The following PARD3B variants were observed in gnomAD, a reference collection of about 807,000 sequenced individuals.
The protein encoded by PARD3B is par-3 family cell polarity regulator beta.
In PARD3B, 103 loss-of-function variants were observed where a neutral mutation model predicts 130.2. The ratio of observed to expected loss-of-function variants is 0.79; its 90% confidence interval spans 0.67 to 0.93. PARD3B has a LOEUF of 0.93. Among genes scored for constraint, PARD3B ranks in the 40% least tolerant of loss-of-function variants. The pLI is 0.00. For missense variants in PARD3B, 1,609 were observed against 1,499.2 expected (o/e 1.07, Z -1.21); for synonymous variants, 583 against 553.2 (o/e 1.05, Z -0.76).
intron 2 of PARD3B, among the ~76,000 whole-genome samples, chr2:204,686,901 A>C (rs933024667): frequency 6.6e-6 from 1 of 152,108 alleles, no homozygotes; most frequent in Non-Finnish European, 1.5e-5. Flanking sequence ...AAAGTATACT[A>C]TTTCATTGCA....
chr2:204,951,184 T>A (rs947687263), intron 2 of PARD3B, among the ~76,000 whole-genome samples: 9 of 152,206 alleles, frequency 5.9e-5, no homozygotes, highest in African/African-American at 1.9e-4. Flanking sequence ...TCCTCTACTG[T>A]CATCATCTTG....
intron 2 of PARD3B, among the ~76,000 whole-genome samples, chr2:204,930,411 T>C (rs1687946931): frequency 1.3e-5 from 2 of 152,096 alleles, no homozygotes; most frequent in African/African-American, 2.4e-5. Flanking sequence ...AAATACTATG[T>C]GAAGAGTTGT....
intron 22 of PARD3B, among the ~76,000 whole-genome samples, chr2:205,573,525 A>T (rs951812123): frequency 1.7e-4 from 26 of 152,194 alleles, no homozygotes; most frequent in South Asian, 4.1e-4. Flanking sequence ...TTTGAAAAGT[A>T]TGTATGAAAA....
chr2:205,589,231 T>C lies in PARD3B; in HGVS notation c.3261-26225T>C, dbSNP rs557583705. Among the ~76,000 whole-genome samples, 3 of 152,304 alleles carry C rather than the reference T, an allele frequency of 2.0e-5. No individual in the cohort carries two copies. The highest frequency in any genetic ancestry group is 1.5e-5 in the Non-Finnish European group (1 of 68,018). ...TGAGCCCGGGAGGTCGAGGCAGCTG[T>C]AGTAAGCTGTGATCGCACCACTGCC... On this transcript the variant is annotated intron_variant, in intron 22 of 22. Transcript: ENST00000406610. This position sits in a 1 kb window ranked among gnomAD's most constrained non-coding sequence, Gnocchi z 4.1.
At chr2:204,801,281 T>C (rs970611917) in intron 2 of PARD3B, among the ~76,000 whole-genome samples, 5 of 152,238 alleles carry the variant, frequency 3.3e-5, no homozygotes, top group African/African-American at 7.2e-5. Context: ...GGGGACAGCA[T>C]TGAATCTATA....
chr2:205,112,192 A>G (rs1703693441), intron 5 of PARD3B, among the ~76,000 whole-genome samples: 1 of 152,060 alleles, frequency 6.6e-6, no homozygotes, highest in South Asian at 2.1e-4. Flanking sequence ...ATCTGGGCAA[A>G]ACTCACTTGA....
chr2:204,628,361 C>G (rs377517521), intron 1 of PARD3B, among the ~76,000 whole-genome samples: 11 of 151,798 alleles, frequency 7.2e-5, no homozygotes, highest in African/African-American at 2.4e-4. Context: ...TGATAATATG[C>G]ATGGGCAAGT....
intron 1 of PARD3B, among the ~76,000 whole-genome samples, chr2:204,561,703 C>T (rs912261131): frequency 2.0e-5 from 3 of 150,780 alleles, no homozygotes; most frequent in Admixed American, 6.7e-5. Flanking sequence ...TCAAGTGATT[C>T]TCCTGCCTCA....
At chr2:204,782,623 T>C (rs1259078311) in intron 2 of PARD3B, among the ~76,000 whole-genome samples, 1 of 151,710 alleles carries the variant, frequency 6.6e-6, no homozygotes, top group East Asian at 1.9e-4. Context: ...GTTTATCTGC[T>C]TGAGTAGAGT....
rs771369966 is a variant in PARD3B, at chr2:205,401,116, C to T, written c.2734C>T (p.Arg912Cys). ...EEELEKMKEE[R>C]ERIGAKHQEL... ...AGAGCTGGAGAAAATGAAAGAAGAG[C>T]GTGAAAGGTGAGCAGAAGTGCCGAG... is the stretch of plus-strand genomic sequence containing the variant. The change falls in exon 19 of 23, where the codon CGT becomes TGT. Residue 912 changes from arginine (R) to cysteine (C), a missense_variant. Transcript: ENST00000406610. 3.2e-5 allele frequency: 51 copies of T among 1,590,618 alleles called. No individual in the cohort carries two copies. The highest frequency in any genetic ancestry group is 3.9e-5 in the Non-Finnish European group (46 of 1,167,646).
intron 1 of PARD3B, among the ~76,000 whole-genome samples, chr2:204,627,678 C>G (rs899094147): frequency 6.6e-6 from 1 of 151,658 alleles, no homozygotes; most frequent in Non-Finnish European, 1.5e-5. Context: ...AGTTTTTTTC[C>G]CTTTTTGTTC....
chr2:204,861,733 G>A (rs2045211438), intron 2 of PARD3B, among the ~76,000 whole-genome samples: 1 of 151,900 alleles, frequency 6.6e-6, no homozygotes, highest in Non-Finnish European at 1.5e-5. Flanking sequence ...TAGAAGACTA[G>A]TAGCATCTGA....
chr2:205,506,955 CTT>C (rs1422189744), intron 21 of PARD3B, among the ~76,000 whole-genome samples: 4 of 152,292 alleles, frequency 2.6e-5, no homozygotes, highest in Admixed American at 2.6e-4. Context: ...TTAGGAGTCT[CTT>C]TTTTCATCTG....
At chr2:204,841,730 A>C (rs755241739) in intron 2 of PARD3B, among the ~76,000 whole-genome samples, 18 of 152,076 alleles carry the variant, frequency 1.2e-4, no homozygotes, top group Non-Finnish European at 1.6e-4. Context: ...TTCTACAGGG[A>C]AGATGGCAGT....
intron 21 of PARD3B, among the ~76,000 whole-genome samples, chr2:205,521,418 T>TCTAA (rs571295266): frequency 5.3e-5 from 8 of 152,258 alleles, no homozygotes; most frequent in Admixed American, 6.5e-5. Flanking sequence ...GGGTTTTTTT[T>TCTAA]CTAACTTCGT....
At chr2:204,928,086 A>C in intron 2 of PARD3B, among the ~76,000 whole-genome samples, 1 of 152,106 alleles carries the variant, frequency 6.6e-6, no homozygotes, top group Non-Finnish European at 1.5e-5. Context: ...ATCTTTGGGT[A>C]GTTTTAGGTC....
chr2:205,268,735 C>G lies in PARD3B; in HGVS notation c.2185+22913C>G, dbSNP rs985791723. 1.3e-5 allele frequency among the ~76,000 whole-genome samples: 2 copies of G among 151,976 alleles called. No individual in the cohort carries two copies. Among genetic ancestry groups the G allele is most frequent in the African/African-American group, 4.8e-5 (2 of 41,368 alleles). On this transcript the variant is annotated intron_variant, in intron 16 of 22. Coordinates refer to ENST00000406610, the MANE Select transcript of PARD3B (RefSeq NM_001302769.2). This position sits in a 1 kb window ranked among gnomAD's most constrained non-coding sequence, Gnocchi z 4.1. The stretch of plus-strand genomic sequence containing the variant: ...AAGTATAATTTTGAGGAATATAGTG[C>G]CAATTTGACAGAAGAGACTTCTCAG...
intron 18 of PARD3B, among the ~76,000 whole-genome samples, chr2:205,316,207 T>C (rs2042558196): frequency 6.6e-6 from 1 of 152,132 alleles, no homozygotes; most frequent in Non-Finnish European, 1.5e-5. Context: ...GTGAGCTGCA[T>C]TGGGAGTTAA....
chr2:205,441,326 T>C (rs1384149628), intron 20 of PARD3B, among the ~76,000 whole-genome samples: 2 of 152,160 alleles, frequency 1.3e-5, no homozygotes, highest in Non-Finnish European at 2.9e-5. Flanking sequence ...ACAATTGAAG[T>C]AGGTAGAAAA....
Sources: gnomAD v4.1 joint callset for allele counts (sites outside exome capture counted in the v4.1 genomes callset) on GRCh38, gnomAD v4.1.1 for gene constraint, Gnocchi (gnomAD v3.1) non-coding constraint, MANE v1.5 for transcripts, NCBI Gene and HGNC (gene_info 2026-07-23, HGNC 2026-07-21) for gene names.